Variants in TUSC3 observed in about 807,000 individuals in gnomAD.
The protein encoded by TUSC3 is tumor suppressor candidate 3.
In TUSC3, 45 loss-of-function variants were observed where a neutral mutation model predicts 44.8. That is an observed-to-expected ratio of 1.00 (90% CI 0.79 to 1.29). TUSC3 has a LOEUF of 1.29. TUSC3 is among the 50% of genes most tolerant of loss of function. TUSC3 has a pLI of 0.00. For synonymous variants in TUSC3, 212 were observed against 152.9 expected (o/e 1.39, Z -2.85); for missense variants, 519 against 437.9 (o/e 1.19, Z -1.65).
chr8:15,842,882 A>G, the TUSC3 span, among the ~76,000 whole-genome samples: 1 of 152,206 alleles, frequency 6.6e-6, no homozygotes, highest in South Asian at 2.1e-4. Context: ...CCTTTCAGCC[A>G]TGTTGCCAAT....
chr8:15,559,130 G>T (rs1448431237), intron 1 of TUSC3, among the ~76,000 whole-genome samples: 1 of 144,208 alleles, frequency 6.9e-6, no homozygotes, highest in South Asian at 2.4e-4. Flanking sequence ...GCTTTCTCTT[G>T]TGGGCATTTA....
At chr8:15,613,765 T>TA (rs1298128971) in intron 1 of TUSC3, among the ~76,000 whole-genome samples, 2 of 152,216 alleles carry the variant, frequency 1.3e-5, no homozygotes, top group East Asian at 3.9e-4. Context: ...ATCTTATAGA[T>TA]ATTTCTGTTC....
intron 1 of TUSC3, among the ~76,000 whole-genome samples, chr8:15,615,518 A>G (rs1276754141): frequency 6.6e-6 from 1 of 152,204 alleles, no homozygotes; most frequent in Non-Finnish European, 1.5e-5. Flanking sequence ...CCACAAAATT[A>G]CAGATAAGAG....
the TUSC3 span, among the ~76,000 whole-genome samples, chr8:15,792,898 C>G: frequency 6.6e-6 from 1 of 152,038 alleles, no homozygotes; most frequent in Non-Finnish European, 1.5e-5. Flanking sequence ...GGATTACAGG[C>G]GTGAGTCACC....
At chr8:15,435,016 A>T (rs1261572535) in intron 1 of TUSC3, among the ~76,000 whole-genome samples, 3 of 148,330 alleles carry the variant, frequency 2.0e-5, no homozygotes, top group Admixed American at 2.0e-4. Context: ...GTGTCTTTAT[A>T]GCAGCATGAT....
At chr8:15,784,179 T>A in the TUSC3 span, among the ~76,000 whole-genome samples, 1 of 152,112 alleles carries the variant, frequency 6.6e-6, no homozygotes, top group Non-Finnish European at 1.5e-5. Flanking sequence ...CCTATGATTT[T>A]TAAACAATGA....
the TUSC3 span, among the ~76,000 whole-genome samples, chr8:15,774,038 A>G: frequency 6.6e-6 from 1 of 152,220 alleles, no homozygotes; most frequent in Non-Finnish European, 1.5e-5. Context: ...AAATAAAAAT[A>G]TAACTTAGAC....
intron 2 of TUSC3, among the ~76,000 whole-genome samples, chr8:15,648,674 C>G (rs963407289): frequency 7.6e-6 from 1 of 131,312 alleles, no homozygotes; most frequent in Non-Finnish European, 1.6e-5. Context: ...TGCAGTGAGC[C>G]GAGATCGCGC....
chr8:15,735,804 A>G (rs1810904258), intron 7 of TUSC3, among the ~76,000 whole-genome samples: 1 of 151,912 alleles, frequency 6.6e-6, no homozygotes, highest in African/African-American at 2.4e-5. Flanking sequence ...GGTTCACGCC[A>G]TTCTCCTGCC....
chr8:15,483,362 C>T (rs556311928), intron 1 of TUSC3: 54 of 221,244 alleles, frequency 2.4e-4, no homozygotes, highest in African/African-American at 6.1e-4. Flanking sequence ...TTTTTTGAGA[C>T]GGAGTTTCAC....
chr8:15,571,589 A>T (rs1356526326), intron 1 of TUSC3, among the ~76,000 whole-genome samples: 2 of 152,156 alleles, frequency 1.3e-5, no homozygotes, highest in Non-Finnish European at 2.9e-5. Context: ...CTGACCAATA[A>T]GGGTACTGGC....
At chr8:15,787,892 A>G in the TUSC3 span, among the ~76,000 whole-genome samples, 1 of 152,252 alleles carries the variant, frequency 6.6e-6, no homozygotes, top group Non-Finnish European at 1.5e-5. Flanking sequence ...AAGAAATGTC[A>G]TCATTTACTA....
At chr8:15,456,934 C>T (rs1316203067) in intron 1 of TUSC3, among the ~76,000 whole-genome samples, 1 of 152,060 alleles carries the variant, frequency 6.6e-6, no homozygotes, top group Non-Finnish European at 1.5e-5. Flanking sequence ...ACTTATTCAT[C>T]AAAGGGCACC....
chr8:15,764,412 T>C lies in TUSC3; in HGVS notation c.*256T>C, dbSNP rs1300025049. 5.4e-6 allele frequency: 3 copies of C among 555,644 alleles called. No individual in the cohort carries two copies. The highest frequency in any genetic ancestry group is 3.3e-5 in the East Asian group (1 of 30,042). The allele number at this position is 555,644 out of a possible 1,614,324, so 34.4% of individuals were successfully genotyped here. A position where few individuals can be genotyped will look rare whatever the true frequency, so the allele number is the denominator to read the frequency against. On this transcript the variant is annotated 3_prime_UTR_variant, in exon 11 of 11. Transcript: ENST00000503731. The stretch of plus-strand genomic sequence containing the variant: ...AGCATTTAGTAATCTACAAAGGAAA[T>C]ATCAAAGTGTTTTTCAAGCCTGTTA...
intron 2 of TUSC3, among the ~76,000 whole-genome samples, chr8:15,524,768 G>C (rs539020603): frequency 6.6e-6 from 1 of 152,298 alleles, no homozygotes; most frequent in African/African-American, 2.4e-5. Context: ...AGCGCATAGT[G>C]AAGTTTTGCA....
downstream of TUSC3, among the ~76,000 whole-genome samples, chr8:15,770,604 T>C (rs1812424694): frequency 6.7e-6 from 1 of 149,150 alleles, no homozygotes; most frequent in African/African-American, 2.4e-5. Context: ...TTGAAAAATA[T>C]GATCTTAAAA....
chr8:15,703,680 A>T (rs182689219), intron 6 of TUSC3, among the ~76,000 whole-genome samples: 159 of 152,202 alleles, frequency 1.0e-3, no homozygotes, highest in Non-Finnish European at 2.0e-3. Flanking sequence ...GTAGCAATCA[A>T]ATGGCGAGTG....
chr8:15,812,306 A>G, the TUSC3 span, among the ~76,000 whole-genome samples: 1 of 152,204 alleles, frequency 6.6e-6, no homozygotes, highest in African/African-American at 2.4e-5. Context: ...TAGAGAAGGT[A>G]ACATTCAGGA....
At chr8:15,739,742 T>C (rs906540914) in intron 7 of TUSC3, among the ~76,000 whole-genome samples, 16 of 152,232 alleles carry the variant, frequency 1.1e-4, no homozygotes, top group African/African-American at 3.6e-4. Flanking sequence ...CCTAAAGATA[T>C]TTCATGCTGA....
Sources: allele counts gnomAD v4.1 joint callset (sites outside exome capture counted in the v4.1 genomes callset), GRCh38; gene constraint gnomAD v4.1.1; transcripts MANE v1.5; gene names NCBI Gene and HGNC (gene_info 2026-07-23, HGNC 2026-07-21).